Variants in EYA3 observed in about 807,000 individuals in gnomAD.
The protein encoded by EYA3 is EYA transcriptional coactivator and phosphatase 3, also known as protein phosphatase EYA3.
Under a neutral mutation model 80.0 loss-of-function variants are expected in EYA3, and 39 were observed. The ratio of observed to expected loss-of-function variants is 0.49; its 90% CI spans 0.38 to 0.64. EYA3 has a LOEUF of 0.64. Ranked by LOEUF, EYA3 falls within the 30% of genes least tolerant of loss-of-function variation. The pLI is 0.00. For missense variants in EYA3, 523 were observed against 676.1 expected (o/e 0.77, Z 2.51); for synonymous variants, 206 against 232.8 (o/e 0.88, Z 1.05).
At chr1:28,082,398 A>G (rs1645460924) in intron 1 of EYA3, among the ~76,000 whole-genome samples, 1 of 152,142 alleles carries the variant, frequency 6.6e-6, no homozygotes. Context: ...GGAACAAAAG[A>G]ATCATCTTAA....
chr1:28,048,322 T>G, intron 3 of EYA3, 61 bp downstream of exon 3: 1 of 1,227,396 alleles, frequency 8.1e-7, no homozygotes, highest in Non-Finnish European at 1.2e-6. Flanking sequence ...CTAATCAGCA[T>G]GTGAAAAAAA....
rs147956866 is a variant in EYA3 at position 28,063,664 on chromosome 1, T to C, written c.-68-5570A>G. Among the ~76,000 whole-genome samples, 592 of 152,216 alleles carry C rather than the reference T, an allele frequency of 3.9e-3. 4 individuals carry two copies. The highest frequency in any genetic ancestry group is 0.018 in the South Asian group (89 of 4,822). On this transcript the variant is annotated intron_variant, in intron 1 of 17. Transcript: ENST00000373871. Reference sequence around the variant, plus strand: ...CATCCGGCCTAAAACCTTTATTAGATATGATTTTCCAATAATAATAATGTG... The same window carrying C: ...CATCCGGCCTAAAACCTTTATTAGACATGATTTTCCAATAATAATAATGTG...
At chr1:28,047,861 G>A (rs1477824498) in intron 3 of EYA3, among the ~76,000 whole-genome samples, 1 of 151,944 alleles carries the variant, frequency 6.6e-6, no homozygotes, top group African/African-American at 2.4e-5. Flanking sequence ...GGATGGTCTC[G>A]ATCTCCTGAC....
At chr1:27,987,634 A>C (rs1220414374) in intron 16 of EYA3, among the ~76,000 whole-genome samples, 1 of 152,038 alleles carries the variant, frequency 6.6e-6, no homozygotes, top group Non-Finnish European at 1.5e-5. Flanking sequence ...ATCATTTTAT[A>C]ATCTTACCAA....
At chr1:28,003,402 G>A (rs1304269415) in intron 11 of EYA3, among the ~76,000 whole-genome samples, 1 of 152,168 alleles carries the variant, frequency 6.6e-6, no homozygotes, top group African/African-American at 2.4e-5. Flanking sequence ...CCGAGAGGCA[G>A]AGGTTGCAGT....
rs567069618 is a variant in EYA3, at chr1:28,029,763, T to G, written c.362-1837A>C. On this transcript the variant is annotated intron_variant, in intron 6 of 17. Coordinates refer to ENST00000373871, the MANE Select transcript of EYA3 (RefSeq NM_001990.4). Reference sequence around the variant, plus strand: ...GGTATGTACCACCATGCCTGGCTAATTTTGTATTTTTAGTAAAGATGGGGT... The same window carrying G: ...GGTATGTACCACCATGCCTGGCTAAGTTTGTATTTTTAGTAAAGATGGGGT... Among the ~76,000 whole-genome samples the G allele has an allele frequency of 2.0e-5, 3 of 151,918 alleles. No individual in the cohort carries two copies. The East Asian group carries it at 5.8e-4, about 29-fold the overall frequency.
chr1:28,008,245 A>G (rs1641439747), intron 10 of EYA3, among the ~76,000 whole-genome samples: 1 of 152,208 alleles, frequency 6.6e-6, no homozygotes, highest in Non-Finnish European at 1.5e-5. Flanking sequence ...CCATATGCAA[A>G]ATAATAAAGT....
At chr1:28,044,477 C>T (rs2148868147) in intron 3 of EYA3, among the ~76,000 whole-genome samples, 1 of 152,222 alleles carries the variant, frequency 6.6e-6, no homozygotes, top group African/African-American at 2.4e-5. Context: ...TCTTCAAAGC[C>T]CAGGCATCAT....
chr1:28,014,318 C>T (rs1324641782), intron 8 of EYA3, among the ~76,000 whole-genome samples: 5 of 142,724 alleles, frequency 3.5e-5, no homozygotes, highest in South Asian at 2.3e-4. Context: ...CTCAGCTATT[C>T]GGGAAGCTGA....
intron 11 of EYA3, among the ~76,000 whole-genome samples, chr1:28,001,322 C>T (rs1208584273): frequency 1.3e-5 from 2 of 150,718 alleles, no homozygotes; most frequent in Non-Finnish European, 3.0e-5. Context: ...TGTGCTCTTC[C>T]CATTATATCT....
chr1:28,026,379 G>A (rs1642787712), intron 7 of EYA3, among the ~76,000 whole-genome samples: 1 of 152,174 alleles, frequency 6.6e-6, no homozygotes, highest in South Asian at 2.1e-4. Flanking sequence ...ACTTTGGGAA[G>A]CTGGGGTGGG....
At chr1:28,018,739 A>G (rs902231146) in intron 7 of EYA3, among the ~76,000 whole-genome samples, 4 of 152,230 alleles carry the variant, frequency 2.6e-5, no homozygotes, top group African/African-American at 9.6e-5. Context: ...AGAACCTAGG[A>G]CAAAGAAGAA....
chr1:28,055,462 C>CTTTT (rs531586344), intron 2 of EYA3, among the ~76,000 whole-genome samples: 52 of 106,942 alleles, frequency 4.9e-4, no homozygotes, highest in Non-Finnish European at 7.0e-4. Context: ...TAAAGAAAAT[C>CTTTT]TTTTTTTTTT....
chr1:28,054,629 T>C (rs1403333589), intron 2 of EYA3, among the ~76,000 whole-genome samples: 3 of 152,056 alleles, frequency 2.0e-5, no homozygotes, highest in African/African-American at 7.2e-5. Context: ...GAGGACAAGG[T>C]GGGGGACCTG....
At chr1:28,079,795 C>CTTT (rs761445915) in intron 1 of EYA3, among the ~76,000 whole-genome samples, 2 of 140,104 alleles carry the variant, frequency 1.4e-5, no homozygotes, top group Admixed American at 7.2e-5. Flanking sequence ...TAAACATTTT[C>CTTT]TTTTTTTTTT....
intron 6 of EYA3, among the ~76,000 whole-genome samples, chr1:28,028,607 G>A (rs1642930831): frequency 6.6e-6 from 1 of 150,470 alleles, no homozygotes; most frequent in African/African-American, 2.4e-5. Context: ...AAATAAGATA[G>A]GGTTTTGCTT....
At chr1:27,989,064 G>A (rs528067214) in intron 15 of EYA3, among the ~76,000 whole-genome samples, 66 of 152,254 alleles carry the variant, frequency 4.3e-4, no homozygotes, top group Middle Eastern at 3.4e-3. Flanking sequence ...ATTTGTGTTC[G>A]CTTTGCTCTT....
At chr1:27,998,221 A>T (rs1640590085) in intron 12 of EYA3, 1 of 611,608 alleles carries the variant, frequency 1.6e-6, no homozygotes, top group Non-Finnish European at 2.0e-6. Context: ...AAGTCCTAGA[A>T]TCTCCACTTT....
intron 1 of EYA3, among the ~76,000 whole-genome samples, chr1:28,083,514 C>T (rs1211635685): frequency 2.0e-5 from 3 of 149,742 alleles, no homozygotes; most frequent in Non-Finnish European, 4.4e-5. Context: ...GGCAAGACTC[C>T]GTCTCAAAAA....
Sources: allele counts gnomAD v4.1 joint callset (sites outside exome capture counted in the v4.1 genomes callset), GRCh38; gene constraint gnomAD v4.1.1; transcripts MANE v1.5; gene names NCBI Gene and HGNC (gene_info 2026-07-23, HGNC 2026-07-21).